PHEX: variants seen among roughly 807,000 people sequenced by gnomAD.
The protein encoded by PHEX is phosphate-regulating neutral endopeptidase PHEX.
In PHEX, 16 loss-of-function variants were observed where a neutral mutation model predicts 68.0. That is an observed-to-expected ratio of 0.24 (90% CI 0.16 to 0.36). The LOEUF is 0.36. Ranked by LOEUF, PHEX falls within the 10% of genes least tolerant of loss-of-function variation. The pLI, the probability that PHEX is intolerant of heterozygous loss-of-function variation, is 1.00. For synonymous variants in PHEX, 208 were observed against 205.1 expected (o/e 1.01, Z -0.12); for missense variants, 480 against 575.5 (o/e 0.83, Z 1.70).
chrX:22,131,701 GA>G (rs1414290255), intron 11 of PHEX, among the ~76,000 whole-genome samples: 1 of 112,781 alleles, frequency 8.9e-6, no homozygotes, highest in African/African-American at 3.2e-5. Context: ...TAGAACCAAG[GA>G]AACATTTCAA....
In PHEX at chrX:22,038,117, C is replaced by T. The variant is rs1159168132; in HGVS notation, c.119-352C>T. On this transcript the variant is annotated intron_variant, in intron 1 of 21. Transcript: ENST00000379374. The stretch of plus-strand genomic sequence containing the variant: ...AAACCGCAGATGGCTGGGCCCCACC[C>T]CCAGGGTTTCTGAGTCAAGATCTTG... Among the ~76,000 whole-genome samples, 5 of 110,527 alleles carry T rather than the reference C, an allele frequency of 4.5e-5. No individual in the cohort carries two copies. In the East Asian group the frequency reaches 1.1e-3, roughly 25 times the overall value.
At chrX:22,243,921 C>T (rs1055531783) in intron 20 of PHEX, among the ~76,000 whole-genome samples, 2 of 112,018 alleles carry the variant, frequency 1.8e-5, no homozygotes, top group African/African-American at 6.5e-5. Context: ...ACCCAGCAAT[C>T]CCATTACTGG....
intron 20 of PHEX, among the ~76,000 whole-genome samples, chrX:22,241,033 A>G (rs180896711): frequency 1.2e-4 from 13 of 111,759 alleles, no homozygotes; most frequent in Non-Finnish European, 1.9e-4. Flanking sequence ...GAGGTAAAAC[A>G]CTTCTCAGCA....
At chrX:22,046,729 G>T (rs1927551023) in intron 2 of PHEX, among the ~76,000 whole-genome samples, 1 of 109,931 alleles carries the variant, frequency 9.1e-6, no homozygotes, top group Non-Finnish European at 1.9e-5. Context: ...ACCATATCTG[G>T]CTAATTTTTG....
At chrX:22,069,592 C>G (rs1928798617) in intron 3 of PHEX, among the ~76,000 whole-genome samples, 1 of 112,060 alleles carries the variant, frequency 8.9e-6, no homozygotes, top group Non-Finnish European at 1.9e-5. Context: ...AAAATCATCT[C>G]TGCACCTTTT....
At chrX:22,243,185 A>G (rs1455769372) in intron 20 of PHEX, among the ~76,000 whole-genome samples, 2 of 111,938 alleles carry the variant, frequency 1.8e-5, no homozygotes, top group Non-Finnish European at 3.8e-5. Flanking sequence ...TGGGGAAAAG[A>G]TTCTGTATTT....
intron 11 of PHEX, among the ~76,000 whole-genome samples, chrX:22,123,694 G>C (rs1324492205): frequency 9.0e-6 from 1 of 110,886 alleles, no homozygotes; most frequent in Admixed American, 9.6e-5. Flanking sequence ...GCTTTCATTG[G>C]AATAAAGATC....
chrX:22,127,279 T>C (rs781077025), intron 11 of PHEX, among the ~76,000 whole-genome samples: 22 of 112,201 alleles, frequency 2.0e-4, no homozygotes, highest in Admixed American at 1.7e-3. Context: ...TTATATGTTA[T>C]ATTTTGACCT....
chrX:22,067,543 T>C (rs986588193), intron 3 of PHEX, among the ~76,000 whole-genome samples: 1 of 111,346 alleles, frequency 9.0e-6, no homozygotes, highest in Admixed American at 9.6e-5. Flanking sequence ...AGTGAGGAAA[T>C]CAGTAAAGAC....
At chrX:22,233,544 T>C (rs1389678700) in intron 20 of PHEX, among the ~76,000 whole-genome samples, 2 of 111,486 alleles carry the variant, frequency 1.8e-5, no homozygotes, top group East Asian at 5.7e-4. Context: ...GTCTTCTCGC[T>C]TTATTTCACT....
intron 5 of PHEX, among the ~76,000 whole-genome samples, chrX:22,087,981 G>A (rs955049961): frequency 2.1e-4 from 24 of 111,659 alleles, no homozygotes; most frequent in African/African-American, 7.5e-4. Flanking sequence ...ATAGAGTCAT[G>A]TAACCACCAC....
chrX:22,186,959 T>C (rs1241988019), intron 14 of PHEX, among the ~76,000 whole-genome samples: 1 of 112,154 alleles, frequency 8.9e-6, no homozygotes, highest in Non-Finnish European at 1.9e-5. Flanking sequence ...TTTGTATGTA[T>C]TATGATTCAT....
intron 15 of PHEX, among the ~76,000 whole-genome samples, chrX:22,193,255 G>A: frequency 9.0e-6 from 1 of 110,671 alleles, no homozygotes; most frequent in Non-Finnish European, 1.9e-5. Context: ...ACTTAAAAAC[G>A]TTTTATTGTC....
At chrX:22,115,767 G>T (rs1010687654) in intron 11 of PHEX, among the ~76,000 whole-genome samples, 4 of 106,803 alleles carry the variant, frequency 3.7e-5, no homozygotes, top group African/African-American at 1.6e-4. Flanking sequence ...CAAAAGGCAG[G>T]ATTTTCTTCA....
chrX:22,126,690 A>G (rs1233514520), intron 11 of PHEX, among the ~76,000 whole-genome samples: 1 of 110,368 alleles, frequency 9.1e-6, no homozygotes, highest in East Asian at 2.9e-4. Context: ...GTGACTCACC[A>G]ATGTCTGGTG....
intron 11 of PHEX, among the ~76,000 whole-genome samples, chrX:22,123,516 T>C (rs1052444490): frequency 2.7e-5 from 3 of 111,825 alleles, no homozygotes; most frequent in African/African-American, 9.7e-5. Context: ...TTGCTAATAT[T>C]GCCATGCCTA....
chrX:22,159,028 A>G, intron 12 of PHEX, among the ~76,000 whole-genome samples: 1 of 113,331 alleles, frequency 8.8e-6, no homozygotes, highest in Middle Eastern at 4.6e-3. Context: ...CTCCCAAGCA[A>G]CTGAGATCTG....
intron 9 of PHEX, 39 bp from the exon 10 acceptor site, chrX:22,111,427 AC>A: frequency 9.7e-7 from 1 of 1,026,509 alleles, no homozygotes; most frequent in Non-Finnish European, 1.4e-6. Context: ...TCAGATATTG[AC>A]CTAAAATACA....
chrX:22,110,620 C>G (rs766618787), intron 9 of PHEX, among the ~76,000 whole-genome samples: 164 of 91,623 alleles, frequency 1.8e-3, no homozygotes, highest in Non-Finnish European at 2.7e-3. Flanking sequence ...CTCTATGCAG[C>G]CATAAAAAAT....
Sources: allele counts gnomAD v4.1 joint callset (sites outside exome capture counted in the v4.1 genomes callset), GRCh38; gene constraint gnomAD v4.1.1; transcripts MANE v1.5; gene names NCBI Gene and HGNC (gene_info 2026-07-23, HGNC 2026-07-21).